The following TYW1B variants were observed in gnomAD, a reference collection of about 807,000 sequenced individuals.
TYW1B encodes the protein S-adenosyl-L-methionine-dependent tRNA 4-demethylwyosine synthase TYW1B.
Under a neutral mutation model 86.9 loss-of-function variants are expected in TYW1B, and 73 were observed. That is an observed-to-expected ratio of 0.84 (90% CI 0.70 to 1.02). The LOEUF (loss-of-function observed/expected upper bound fraction) is 1.02, where lower values mean the gene tolerates loss of function less well. Among genes scored for constraint, TYW1B ranks in the 50% least tolerant of loss-of-function variants. The pLI, the probability that TYW1B is intolerant of heterozygous loss-of-function variation, is 0.00. For missense variants in TYW1B, 637 were observed against 827.4 expected (o/e 0.77, Z 2.82); for synonymous variants, 248 against 292.8 (o/e 0.85, Z 1.56).
intron 10 of TYW1B, among the ~76,000 whole-genome samples, chr7:72,706,239 A>G (rs1477977841): frequency 7.2e-5 from 11 of 152,168 alleles, no homozygotes; most frequent in Non-Finnish European, 1.5e-4. Context: ...TACCAGACTG[A>G]CCAACATGGA....
chr7:72,813,589 G>A (rs1586004795), intron 3 of TYW1B, among the ~76,000 whole-genome samples: 1 of 152,258 alleles, frequency 6.6e-6, no homozygotes, highest in Non-Finnish European at 1.5e-5. Flanking sequence ...GTTCACAGGA[G>A]ATGCTGATGC....
At chr7:72,586,596 G>C (rs138226203) in intron 13 of TYW1B, among the ~76,000 whole-genome samples, 1 of 152,096 alleles carries the variant, frequency 6.6e-6, no homozygotes, top group African/African-American at 2.4e-5. Flanking sequence ...AATTAGCCAG[G>C]TGTGGTGGTG....
chr7:72,592,561 G>A (rs1441684663), intron 13 of TYW1B, among the ~76,000 whole-genome samples: 3 of 152,106 alleles, frequency 2.0e-5, no homozygotes, highest in Admixed American at 6.6e-5. Flanking sequence ...CATTACTTTC[G>A]ATGCCTATTA....
chr7:72,739,538 G>A (rs879966400), intron 8 of TYW1B, among the ~76,000 whole-genome samples: 7 of 151,374 alleles, frequency 4.6e-5, no homozygotes, highest in African/African-American at 7.3e-5. Context: ...CCCGGGAGGC[G>A]GAGGTTGCAG....
At chr7:72,790,144 G>GT (rs1788196115) in intron 6 of TYW1B, among the ~76,000 whole-genome samples, 1 of 151,276 alleles carries the variant, frequency 6.6e-6, no homozygotes, top group Non-Finnish European at 1.5e-5. Flanking sequence ...TAGAAACGGG[G>GT]TTTCACCATG....
intron 12 of TYW1B, among the ~76,000 whole-genome samples, chr7:72,617,884 CA>C (rs1812115810): frequency 6.6e-6 from 1 of 152,144 alleles, no homozygotes; most frequent in Non-Finnish European, 1.5e-5. Context: ...CCAAGGCACA[CA>C]AGACCCCAGA....
At chr7:72,759,913 A>G (rs1554466920) in intron 7 of TYW1B, among the ~76,000 whole-genome samples, 2 of 152,222 alleles carry the variant, frequency 1.3e-5, no homozygotes, top group Non-Finnish European at 2.9e-5. Flanking sequence ...AAGAAAAAGA[A>G]CTAGATAGAT....
chr7:72,776,912 C>T (rs1402849382), intron 7 of TYW1B, among the ~76,000 whole-genome samples: 3 of 151,742 alleles, frequency 2.0e-5, no homozygotes, highest in Non-Finnish European at 4.4e-5. Context: ...AGAACTGTCA[C>T]GTAAAAGGCC....
chr7:72,748,354 ATT>A (rs1388413214), intron 7 of TYW1B, among the ~76,000 whole-genome samples: 1 of 151,766 alleles, frequency 6.6e-6, no homozygotes, highest in African/African-American at 2.4e-5. Context: ...TAGGAAATTT[ATT>A]TGTCATTTCC....
At chr7:72,749,773 C>CT (rs139601838) in intron 7 of TYW1B, among the ~76,000 whole-genome samples, 117,434 of 149,052 alleles carry the variant, frequency 0.79, 46,456 homozygotes, top group Non-Finnish European at 0.8. Flanking sequence ...GAGGTAGGAA[C>CT]TAGATTGCTG....
At chr7:72,817,417 G>A (rs1362580956) in intron 2 of TYW1B, among the ~76,000 whole-genome samples, 2 of 151,926 alleles carry the variant, frequency 1.3e-5, no homozygotes, top group South Asian at 2.1e-4. Context: ...CAAAAAAAAA[G>A]AAAAAAGGTA....
At chr7:72,811,905 C>T (rs138902928) in intron 3 of TYW1B, among the ~76,000 whole-genome samples, 14,389 of 124,838 alleles carry the variant, frequency 0.12, 771 homozygotes, top group African/African-American at 0.12. Flanking sequence ...GGCAACGAAG[C>T]GAAGACTCCA....
At chr7:72,766,102 C>A (rs12698441) in intron 7 of TYW1B, among the ~76,000 whole-genome samples, 104,409 of 152,098 alleles carry the variant, frequency 0.69, 36,770 homozygotes, top group Non-Finnish European at 0.77. Flanking sequence ...TGCGTTATTT[C>A]TAATATTACA....
intron 10 of TYW1B, among the ~76,000 whole-genome samples, chr7:72,711,219 C>G (rs375070454): frequency 6.6e-6 from 1 of 152,120 alleles, no homozygotes; most frequent in Non-Finnish European, 1.5e-5. Flanking sequence ...AAAGCAGACT[C>G]GGGGCTATGC....
intron 13 of TYW1B, among the ~76,000 whole-genome samples, chr7:72,584,332 A>C (rs1283233010): frequency 6.6e-6 from 1 of 152,068 alleles, no homozygotes; most frequent in Non-Finnish European, 1.5e-5. Context: ...GGTGTGAGCC[A>C]CCTCACCTGG....
chr7:72,595,019 C>A (rs1250390016), intron 13 of TYW1B, among the ~76,000 whole-genome samples: 1 of 152,078 alleles, frequency 6.6e-6, no homozygotes, highest in Admixed American at 6.6e-5. Flanking sequence ...TATGAAAAAA[C>A]CTACGGTGAG....
rs1787976865 is a variant in TYW1B at position 72,777,485 on chromosome 7, C to CCA, written c.893_894dup (p.Gly299TrpfsTer12). The CCA allele has an allele frequency of 6.2e-7, 1 of 1,613,970 alleles. No homozygotes were observed. Among genetic ancestry groups the CCA allele is most frequent in the Admixed American group, 1.7e-5 (1 of 59,978 alleles). Reference sequence around the variant, plus strand: ...CTTCTTTCACCATCTTCATTCCTCCCCATGTTCCTGAACAAACCAGACTTC... The same window carrying CCA: ...CTTCTTTCACCATCTTCATTCCTCCCCACATGTTCCTGAACAAACCAGACTTC... On this transcript the variant is annotated frameshift_variant, in exon 7 of 14. Coordinates refer to ENST00000620995, the MANE Select transcript of TYW1B (RefSeq NM_001145440.3). LOFTEE classifies it high-confidence loss of function.
chr7:72,818,069 T>C lies in TYW1B; in HGVS notation c.136-2588A>G, dbSNP rs577326357. Among the ~76,000 whole-genome samples the C allele has an allele frequency of 5.3e-3, 786 of 148,988 alleles. 4 individuals carry two copies. The highest frequency in any genetic ancestry group is 0.017 in the Middle Eastern group (5 of 288). On this transcript the variant is annotated intron_variant, in intron 2 of 13. Coordinates refer to ENST00000620995, the MANE Select transcript of TYW1B (RefSeq NM_001145440.3). ...AGTTCTTGCCCTATCAGTTCATAGC[T>C]GGCTGTTAAAAAAAAAAAAAAAGCC...
chr7:72,710,666 G>A (rs1786635994), intron 10 of TYW1B, among the ~76,000 whole-genome samples: 1 of 152,118 alleles, frequency 6.6e-6, no homozygotes, highest in African/African-American at 2.4e-5. Context: ...TCTTTTAGCT[G>A]GTATGGTGGC....
Sources: allele counts gnomAD v4.1 joint callset (sites outside exome capture counted in the v4.1 genomes callset), GRCh38; gene constraint gnomAD v4.1.1; transcripts MANE v1.5; gene names NCBI Gene and HGNC (gene_info 2026-07-23, HGNC 2026-07-21).